AK7: variants seen among roughly 807,000 people sequenced by gnomAD.
AK7 encodes ATP-AMP transphosphorylase 7.
Under a neutral mutation model 96.6 loss-of-function variants are expected in AK7, and 78 were observed. That is an observed-to-expected ratio of 0.81 (90% CI 0.67 to 0.97). The LOEUF (loss-of-function observed/expected upper bound fraction) is 0.97. AK7 is among the 50% of genes least tolerant of loss of function. The pLI, the probability that AK7 is intolerant of heterozygous loss-of-function variation, is 0.00. For missense variants in AK7, 855 were observed against 887.9 expected, an observed-to-expected ratio of 0.96 and a Z score of 0.47; for synonymous variants, 302 against 317.2, an observed-to-expected ratio of 0.95 and a Z score of 0.51.
chr14:96,440,479 C>T (rs1211480898), intron 6 of AK7, among the ~76,000 whole-genome samples: 12 of 152,174 alleles, frequency 7.9e-5, no homozygotes. Context: ...ACCAATGACT[C>T]AAACTTCAGT....
At chr14:96,484,463 G>A (rs1895669936) in intron 16 of AK7, among the ~76,000 whole-genome samples, 1 of 152,114 alleles carries the variant, frequency 6.6e-6, no homozygotes, top group African/African-American at 2.4e-5. Context: ...ACTCCTCACA[G>A]GCTCTCAATT....
intron 6 of AK7, among the ~76,000 whole-genome samples, chr14:96,441,999 A>G (rs961503754): frequency 6.6e-6 from 1 of 152,158 alleles, no homozygotes; most frequent in Non-Finnish European, 1.5e-5. Flanking sequence ...GAACCCTTCA[A>G]TACTTTCTGA....
Position 96,449,687 on chromosome 14 carries a change from G to T in AK7, c.871-115G>T. On this transcript the variant is annotated intron_variant, in intron 8 of 17. Coordinates refer to ENST00000267584, the MANE Select transcript of AK7 (RefSeq NM_152327.5). ...GATTACGGGTGATCCGCCCACCTTG[G>T]CCTCCCAAAGTGCTGGGATTACAGG... is the stretch of plus-strand genomic sequence containing the variant. The T allele has an allele frequency of 5.8e-6, 4 of 695,608 alleles. No homozygotes were observed. The South Asian group carries it at 6.8e-5, about 12-fold the overall frequency. The allele number at this position is 695,608 out of a possible 1,614,324, so 43.1% of individuals were successfully genotyped here.
Position 96,442,721 on chromosome 14 carries a change from TC to T in AK7, c.691-7del. On this transcript the variant is annotated splice_region_variant and splice_polypyrimidine_tract_variant and intron_variant, in intron 6 of 17. Transcript: ENST00000267584. ...CTGGGGGACATGATTTTGCTTTTCT[TC>T]CTTTCAGATGGCTTGGTTGGGCGAG... 1 of 1,613,514 alleles carries T rather than the reference TC, an allele frequency of 6.2e-7. No individual in the cohort carries two copies.
intron 10 of AK7, among the ~76,000 whole-genome samples, chr14:96,452,946 T>G (rs1893691458): frequency 6.6e-6 from 1 of 152,202 alleles, no homozygotes; most frequent in Non-Finnish European, 1.5e-5. Flanking sequence ...CAGGGAAACA[T>G]TCTAAAGACA....
intron 4 of AK7, among the ~76,000 whole-genome samples, chr14:96,419,658 A>G (rs1227750287): frequency 6.6e-6 from 1 of 152,036 alleles, no homozygotes; most frequent in Non-Finnish European, 1.5e-5. Flanking sequence ...TATATTTAAT[A>G]TTAATACCTT....
At chr14:96,414,936 G>C (rs1891244796) in intron 4 of AK7, among the ~76,000 whole-genome samples, 1 of 151,848 alleles carries the variant, frequency 6.6e-6, no homozygotes, top group South Asian at 2.1e-4. Context: ...AAATGTTTTT[G>C]TAGTGACAGG....
intron 7 of AK7, among the ~76,000 whole-genome samples, chr14:96,443,790 T>TTTTTTG: frequency 6.6e-6 from 1 of 151,254 alleles, no homozygotes; most frequent in East Asian, 1.9e-4. Context: ...ATTTTTTTTT[T>TTTTTTG]TGAGATGGAG....
chr14:96,427,093 A>G (rs1398687975), intron 5 of AK7, among the ~76,000 whole-genome samples: 1 of 152,156 alleles, frequency 6.6e-6, no homozygotes, highest in Non-Finnish European at 1.5e-5. Context: ...TGAAAATACA[A>G]AATTAGCCAG....
intron 5 of AK7, among the ~76,000 whole-genome samples, chr14:96,425,191 T>C (rs1023575267): frequency 6.6e-6 from 1 of 152,156 alleles, no homozygotes; most frequent in African/African-American, 2.4e-5. Context: ...TTAACTAATG[T>C]CCAGTTAGAT....
rs1595367709 is a variant in AK7, at chr14:96,399,794, C to T, written c.294+1531C>T. On this transcript the variant is annotated intron_variant, in intron 2 of 17. Coordinates refer to ENST00000267584, the MANE Select transcript of AK7 (RefSeq NM_152327.5). The surrounding 1 kb of genome is among the most constrained non-coding windows in gnomAD (Gnocchi z 4.1). ...CAGCTTCTTTCTCTGGCTCCTTTTC[C>T]TCTTTTACCCTTTAAATGCGGTTTT... is the stretch of plus-strand genomic sequence containing the variant. 6.6e-6 allele frequency among the ~76,000 whole-genome samples: 1 copy of T among 152,142 alleles called. No individual in the cohort carries two copies. Among genetic ancestry groups the T allele is most frequent in the African/African-American group, 2.4e-5 (1 of 41,436 alleles).
At chr14:96,448,886 G>A (rs1389099658) in intron 8 of AK7, among the ~76,000 whole-genome samples, 1 of 151,978 alleles carries the variant, frequency 6.6e-6, no homozygotes, top group Admixed American at 6.6e-5. Flanking sequence ...AACCTGGGAG[G>A]CAGAGGTTGC....
Position 96,398,068 on chromosome 14 carries a change from C to T in AK7, c.106-7C>T. 6.2e-7 allele frequency: 1 copy of T among 1,610,994 alleles called. No individual in the cohort carries two copies. ...TTACCATTTGGGAAATTTCTGTTTCCTTGCAGTTTCTATCTAACTGTGTAG... is the reference window on the plus strand; with the variant it reads ...TTACCATTTGGGAAATTTCTGTTTCTTTGCAGTTTCTATCTAACTGTGTAG... On this transcript the variant is annotated splice_region_variant and splice_polypyrimidine_tract_variant and intron_variant, in intron 1 of 17. Transcript: ENST00000267584.
Position 96,478,615 on chromosome 14 carries a change from C to A in AK7, c.1706C>A (p.Thr569Asn), listed in dbSNP as rs751357772. Residue 569 changes from threonine to asparagine, a missense_variant, in exon 15 of 18, where the codon ACT becomes AAT. Thr to Asn is a moderately conservative substitution (Grantham distance 65, BLOSUM62 0). Transcript: ENST00000267584. ...NYRDINIDDE[T>N]VFNYFDELEI... ...CGGGACATCAATATCGACGATGAGA[C>A]TGTCTTCAACTATTTTGATGAACTT... 1.3e-5 allele frequency: 21 copies of A among 1,614,082 alleles called. No individual in the cohort carries two copies. Among genetic ancestry groups the A allele is most frequent in the Non-Finnish European group, 1.3e-5 (15 of 1,180,052 alleles).
chr14:96,471,948 T>C (rs74812999), intron 13 of AK7, among the ~76,000 whole-genome samples: 6,590 of 152,286 alleles, frequency 0.043, 250 homozygotes, highest in African/African-American at 0.089. Context: ...CTAGAGCTTA[T>C]GCATCTTGCC....
intron 5 of AK7, among the ~76,000 whole-genome samples, chr14:96,433,645 A>G (rs1331130045): frequency 6.6e-6 from 1 of 152,102 alleles, no homozygotes; most frequent in Non-Finnish European, 1.5e-5. Context: ...GAAGTTTGTT[A>G]TTACCGACCT....
rs961576095 is a variant in AK7 at position 96,427,259 on chromosome 14, A to C, written c.609+6327A>C. On this transcript the variant is annotated intron_variant, in intron 5 of 17. Transcript: ENST00000267584. ...AAACTCCGTCTCAAAAACAAACAAA[A>C]AAAAATTGGTTTAATTGACTCACAG... Among the ~76,000 whole-genome samples, 6 of 152,200 alleles carry C rather than the reference A, an allele frequency of 3.9e-5. No individual in the cohort carries two copies. The South Asian group carries it at 8.3e-4, about 21-fold the overall frequency.
At chr14:96,407,771 C>T (rs193074076) in intron 3 of AK7, among the ~76,000 whole-genome samples, 6 of 151,892 alleles carry the variant, frequency 4.0e-5, no homozygotes, top group Admixed American at 3.3e-4. Context: ...TTAGTAGAGA[C>T]AGGGTTTCAC....
At chr14:96,406,692 CT>C (rs150041458) in intron 3 of AK7, among the ~76,000 whole-genome samples, 4 of 148,336 alleles carry the variant, frequency 2.7e-5, no homozygotes, top group East Asian at 2.0e-4. Context: ...GTATTCCTTT[CT>C]TTTTTTTTTA....
Sources: gnomAD v4.1 joint callset for allele counts (sites outside exome capture counted in the v4.1 genomes callset) on GRCh38, gnomAD v4.1.1 for gene constraint, Gnocchi (gnomAD v3.1) non-coding constraint, MANE v1.5 for transcripts, NCBI Gene and HGNC (gene_info 2026-07-23, HGNC 2026-07-21) for gene names.